SYDE2: variants seen among roughly 807,000 people sequenced by gnomAD.
SYDE2 encodes the protein synapse defective Rho GTPase homolog 2.
Under a neutral mutation model 91.5 loss-of-function variants are expected in SYDE2, and 76 were observed. The ratio of observed to expected loss-of-function variants is 0.83; its 90% CI spans 0.69 to 1.01. The LOEUF (loss-of-function observed/expected upper bound fraction) is 1.01. SYDE2 is among the 50% of genes least tolerant of loss of function. The probability of loss-of-function intolerance (pLI) is 0.00; values close to 1 mark genes in which losing one functional copy is unlikely to be tolerated. For missense variants in SYDE2, 1,364 were observed against 1,367.7 expected, an observed-to-expected ratio of 1.00 and a Z score of 0.04; for synonymous variants, 513 against 506.4, an observed-to-expected ratio of 1.01 and a Z score of -0.18.
chr1:85,184,133 T>G (rs1658037375), intron 2 of SYDE2, among the ~76,000 whole-genome samples: 1 of 152,106 alleles, frequency 6.6e-6, no homozygotes, highest in African/African-American at 2.4e-5. Flanking sequence ...AATAAAAATC[T>G]TTAAATATAA....
At chr1:85,160,184 A>G (rs1410240187) in intron 6 of SYDE2, 1 of 984,824 alleles carries the variant, frequency 1.0e-6, no homozygotes, top group Non-Finnish European at 1.2e-6. Flanking sequence ...ACTAAGATAA[A>G]GCAACATAAA....
rs1239045480 is a variant in SYDE2 at position 85,161,897 on chromosome 1, T to C, written c.3085+2629A>G. 3.9e-5 allele frequency among the ~76,000 whole-genome samples: 6 copies of C among 152,200 alleles called. No homozygotes were observed. The East Asian group carries it at 1.2e-3, about 29-fold the overall frequency. ...AAGAAACATTTTTGTGAAAACTCAATACATAAAACAGATAAAAAAGAAGGC... is the reference window on the plus strand; with the variant it reads ...AAGAAACATTTTTGTGAAAACTCAACACATAAAACAGATAAAAAAGAAGGC... On this transcript the variant is annotated intron_variant, in intron 6 of 6. Transcript: ENST00000341460.
In SYDE2 at chr1:85,200,990, C is replaced by T. The variant is rs1399247952; in HGVS notation, c.7G>A (p.Asp3Asn). 7.7e-7 allele frequency: 1 copy of T among 1,304,268 alleles called. No individual in the cohort carries two copies. Among genetic ancestry groups the T allele is most frequent in the Non-Finnish European group, 9.7e-7 (1 of 1,034,616 alleles). The allele number at this position is 1,304,268 out of a possible 1,614,324, so 80.8% of individuals were successfully genotyped here. The change falls in exon 1 of 7, where the codon GAC (aspartate) becomes AAC (asparagine). Residue 3 changes from aspartate (D) to asparagine (N), a missense_variant. Physicochemically the swap from Asp to Asn is conservative, Grantham distance 23 (BLOSUM62 1). Coordinates refer to ENST00000341460, the MANE Select transcript of SYDE2 (RefSeq NM_032184.2). ...CGCGCGCCCGAGTCAGGGGGCAGGT[C>T]GTGCATGGCCTGGATCAGCAGATAA... MH[D>N]LPPDSGARRG...
chr1:85,167,170 C>T (rs1050367124), intron 5 of SYDE2, among the ~76,000 whole-genome samples: 48 of 143,152 alleles, frequency 3.4e-4, no homozygotes, highest in Non-Finnish European at 5.7e-4. Context: ...GCTGTGTTTG[C>T]ACCACCGCAC....
At chr1:85,159,294 G>T in intron 6 of SYDE2, 45 bp from the exon 7 acceptor site, 1 of 738,288 alleles carries the variant, frequency 1.4e-6, no homozygotes, top group South Asian at 1.5e-5. Flanking sequence ...TAATCCAACT[G>T]AACTTAAAAA....
intron 2 of SYDE2, among the ~76,000 whole-genome samples, chr1:85,189,696 C>T (rs998016026): frequency 4.7e-4 from 72 of 152,248 alleles, no homozygotes; most frequent in African/African-American, 1.6e-3. Flanking sequence ...ATTGGCTGGG[C>T]ATGGTGGCAC....
Position 85,183,123 on chromosome 1 carries a change from T to C in SYDE2, c.1519A>G (p.Lys507Glu). ...EPSSPNPSPV[K>E]KGSSINWSLP... The stretch of plus-strand genomic sequence containing the variant: ...GACCAATTAATTGAACTGCCTTTTT[T>C]CACAGGGCTAGGATTTGGAGAAGAT... The change falls in exon 3 of 7, where the codon AAA becomes GAA. Residue 507 changes from lysine (K) to glutamate (E), a missense_variant. Coordinates refer to ENST00000341460, the MANE Select transcript of SYDE2 (RefSeq NM_032184.2). The C allele has an allele frequency of 6.2e-7, 1 of 1,613,198 alleles. No homozygotes were observed. Among genetic ancestry groups the C allele is most frequent in the Non-Finnish European group, 8.5e-7 (1 of 1,179,626 alleles).
chr1:85,163,993 C>T (rs1429418018), intron 6 of SYDE2, among the ~76,000 whole-genome samples: 20 of 151,984 alleles, frequency 1.3e-4, no homozygotes, highest in Admixed American at 1.2e-3. Flanking sequence ...GATAATTTGA[C>T]TAATGACCAT....
At chr1:85,156,732 G>A (rs1656891205), downstream of SYDE2, 9 of 152,042 alleles carry the variant, frequency 5.9e-5, no homozygotes, top group South Asian at 1.9e-3. Context: ...TTCAGATTCT[G>A]GAAAATTCTG....
intron 4 of SYDE2, among the ~76,000 whole-genome samples, chr1:85,175,641 C>T (rs1311498621): frequency 2.0e-5 from 3 of 152,176 alleles, no homozygotes; most frequent in Non-Finnish European, 4.4e-5. Flanking sequence ...ATCTGTCACT[C>T]ATTTCATTAA....
chr1:85,175,131 A>G (rs1441974070), intron 4 of SYDE2, among the ~76,000 whole-genome samples: 2 of 152,208 alleles, frequency 1.3e-5, no homozygotes, highest in Non-Finnish European at 2.9e-5. Context: ...TCATCAGAAG[A>G]CTTATTTTTA....
Position 85,190,613 on chromosome 1 carries a change from A to G in SYDE2, c.885T>C (p.Thr295=). ...SKKRNWLYQS[T]LRPLNLEEEN... ...CTTCTTCCAGATTAAGAGGCCTCAGAGTACTCTGATATAGCCAATTGCGTT... is the reference window on the plus strand; with the variant it reads ...CTTCTTCCAGATTAAGAGGCCTCAGGGTACTCTGATATAGCCAATTGCGTT... The change falls in exon 2 of 7, where the codon ACT becomes ACC. Residue 295 remains threonine (T), a synonymous_variant. Transcript: ENST00000341460. The G allele has an allele frequency of 6.2e-7, 1 of 1,613,976 alleles. No homozygotes were observed. Among genetic ancestry groups the G allele is most frequent in the East Asian group, 2.2e-5 (1 of 44,868 alleles).
chr1:85,162,250 T>C (rs1403083185), intron 6 of SYDE2, among the ~76,000 whole-genome samples: 5 of 152,140 alleles, frequency 3.3e-5, no homozygotes, highest in Non-Finnish European at 5.9e-5. Flanking sequence ...AATTTCCAAA[T>C]GGAAAAATAA....
At chr1:85,155,009 C>CAAAAAAAAAAAAAAAAAAAAAAAAAAAA, downstream of SYDE2, among the ~76,000 whole-genome samples, 2 of 80,674 alleles carry the variant, frequency 2.5e-5, no homozygotes, top group Admixed American at 1.2e-4. Flanking sequence ...AAGAATGCAG[C>CAAAAAAAAAAAAAAAAAAAAAAAAAAAA]AAAAAAAAAA....
At chr1:85,179,628 A>C (rs543490484) in intron 3 of SYDE2, among the ~76,000 whole-genome samples, 2 of 152,198 alleles carry the variant, frequency 1.3e-5, no homozygotes, top group Non-Finnish European at 1.5e-5. Context: ...TCACATTGAG[A>C]ATGGAATGAG....
downstream of SYDE2, chr1:85,153,433 G>A (rs530392307): frequency 3.3e-5 from 5 of 152,292 alleles, no homozygotes; most frequent in South Asian, 1.0e-3. Context: ...TGGAGCAACA[G>A]GGTTCAGATG....
intron 4 of SYDE2, among the ~76,000 whole-genome samples, chr1:85,170,206 T>G (rs916625014): frequency 8.8e-5 from 13 of 147,312 alleles, no homozygotes; most frequent in African/African-American, 2.8e-4. Flanking sequence ...GCTCAAGCAA[T>G]CCTCCCACCT....
chr1:85,196,126 G>GT (rs1658575677), intron 1 of SYDE2, among the ~76,000 whole-genome samples: 1 of 152,184 alleles, frequency 6.6e-6, no homozygotes, highest in Non-Finnish European at 1.5e-5. Flanking sequence ...TATATAAGTA[G>GT]TAAGTATATT....
chr1:85,163,903 G>T (rs1398244413), intron 6 of SYDE2, among the ~76,000 whole-genome samples: 1 of 152,102 alleles, frequency 6.6e-6, no homozygotes. Context: ...GAAAATATTT[G>T]TCAGTCTTTA....
Sources: gnomAD v4.1 joint callset for allele counts (sites outside exome capture counted in the v4.1 genomes callset) on GRCh38, gnomAD v4.1.1 for gene constraint, MANE v1.5 for transcripts, NCBI Gene and HGNC (gene_info 2026-07-23, HGNC 2026-07-21) for gene names.